FBN2: variants seen among roughly 807,000 people sequenced by gnomAD.
FBN2 encodes the protein fibrillin 2.
A neutral mutation model predicts 355.6 loss-of-function variants in FBN2; 105 were observed. The ratio of observed to expected loss-of-function variants is 0.30; its 90% CI spans 0.25 to 0.35. The LOEUF (loss-of-function observed/expected upper bound fraction) is 0.35, where lower values mean the gene tolerates loss of function less well. Among genes scored for constraint, FBN2 ranks in the 10% least tolerant of loss-of-function variants. The pLI is 1.00. For synonymous variants in FBN2, 1,350 were observed against 1,301.2 expected (o/e 1.04, Z -0.81); for missense variants, 3,280 against 3,758.7 (o/e 0.87, Z 3.33).
At chr5:128,326,156 A>G (rs1295454906) in intron 34 of FBN2, among the ~76,000 whole-genome samples, 1 of 152,196 alleles carries the variant, frequency 6.6e-6, no homozygotes, top group Non-Finnish European at 1.5e-5. Flanking sequence ...TGCTCTTTCA[A>G]GAGCTTCTAT....
chr5:128,274,415 C>G, intron 60 of FBN2, 152 bp downstream of exon 60: 1 of 649,976 alleles, frequency 1.5e-6, no homozygotes, highest in South Asian at 1.8e-5. Context: ...TTGAAAATAT[C>G]TATCTTATTA....
In FBN2 at chr5:128,259,783, T is replaced by C. The variant is rs1320269499; in HGVS notation, c.8411A>G (p.Asn2804Ser). The C allele has an allele frequency of 2.5e-6, 4 of 1,613,708 alleles. No individual in the cohort carries two copies. The highest frequency in any genetic ancestry group is 2.2e-5 in the South Asian group (2 of 91,070). ...LESVDMDSPVNMKFNLSHLGS... is the reference protein window; with the variant it reads ...LESVDMDSPVSMKFNLSHLGS... The stretch of plus-strand genomic sequence containing the variant: ...GAGGTGGGAGAGGTTGAACTTCATG[T>C]TGACGGGGCTGTCCATGTCGACACT... Residue 2804 changes from asparagine (N) to serine (S), a missense_variant, in exon 65 of 65, where the codon AAC becomes AGC. Asn to Ser is a conservative substitution (Grantham distance 46). This residue lies in a region of FBN2 where 311 missense variants were observed against 319.1 expected (regional missense o/e 0.97). Coordinates refer to ENST00000262464, the MANE Select transcript of FBN2 (RefSeq NM_001999.4).
In FBN2 at chr5:128,286,767, G is replaced by A; in HGVS notation, c.6963C>T (p.Cys2321=). Residue 2321 remains cysteine, a synonymous_variant, in exon 55 of 65, where the codon TGC becomes TGT. Coordinates refer to ENST00000262464, the MANE Select transcript of FBN2 (RefSeq NM_001999.4). ...MCKNLIGTFM[C]ICPPGMARRP... is the part of the protein sequence containing the mutation. ...TTCGGGCCATTCCAGGAGGGCAGAT[G>A]CACATGAAGGTGCCGATTAGATTCT... The A allele has an allele frequency of 6.2e-7, 1 of 1,614,090 alleles. No individual in the cohort carries two copies. The highest frequency in any genetic ancestry group is 1.1e-5 in the South Asian group (1 of 91,084).
At position 128,263,450 on chromosome 5, in the gene FBN2, G is replaced by A. The variant is rs143401228; in HGVS notation, c.8167C>T (p.Pro2723Ser). The A allele has an allele frequency of 5.0e-6, 8 of 1,613,800 alleles. No individual in the cohort carries two copies. The African/African-American group carries it at 6.7e-5, about 13-fold the overall frequency. ...TEGGYLCGCP[P>S]GYYRVGQGHC... Reference sequence around the variant, plus strand: ...CCTTGTCCCACTCTGTAATACCCAGGGGGGCAGCCACAGAGGTAGCCCCCC... The same window carrying A: ...CCTTGTCCCACTCTGTAATACCCAGAGGGGCAGCCACAGAGGTAGCCCCCC... Residue 2723 changes from proline (P) to serine (S), a missense_variant, in exon 63 of 65, where the codon CCT becomes TCT. This residue lies in a region of FBN2 where 311 missense variants were observed against 319.1 expected (regional missense o/e 0.97). Transcript: ENST00000262464.
chr5:128,262,240 G>A (rs982440581), intron 63 of FBN2, among the ~76,000 whole-genome samples: 2 of 151,938 alleles, frequency 1.3e-5, no homozygotes, highest in Non-Finnish European at 2.9e-5. Context: ...TTCATGTTTT[G>A]TAGAGATAGG....
At chr5:128,318,852 CACA>C in intron 35 of FBN2, 24 bp downstream of exon 35, 3 of 1,608,486 alleles carry the variant, frequency 1.9e-6, no homozygotes, top group Non-Finnish European at 2.6e-6. Flanking sequence ...TGAATCAGAA[CACA>C]ACTTAGCTGG....
Position 128,259,298 on chromosome 5 carries a change from C to G in FBN2, c.*157G>C. 2.1e-6 allele frequency: 2 copies of G among 949,670 alleles called. No individual in the cohort carries two copies. Among genetic ancestry groups the G allele is most frequent in the South Asian group, 2.8e-5 (2 of 70,652 alleles). 58.8% of individuals were successfully genotyped at this position (949,670 alleles called of 1,614,324 possible). ...TTGGCCATACCAGAGTCTAAATTAT[C>G]CCTCCCTGTGAGGGTCAACATTCAA... On this transcript the variant is annotated 3_prime_UTR_variant, in exon 65 of 65. Transcript: ENST00000262464.
rs565172337 is a variant in FBN2 at position 128,499,794 on chromosome 5, C to CT, written c.628+19478dup. Among the ~76,000 whole-genome samples, 359 of 146,518 alleles carry CT rather than the reference C, an allele frequency of 2.5e-3. 1 individual carries two copies. Among genetic ancestry groups the CT allele is most frequent in the Middle Eastern group, 3.5e-3 (1 of 284 alleles). On this transcript the variant is annotated intron_variant, in intron 5 of 64. Transcript: ENST00000262464. ...CTACTGTGACATTCAGAACTTAATT[C>CT]TTTTTTTTTTTAAGATGAAAACCAT...
chr5:128,487,519 C>A (rs922939053), intron 5 of FBN2, among the ~76,000 whole-genome samples: 1 of 152,102 alleles, frequency 6.6e-6, no homozygotes, highest in Admixed American at 6.6e-5. Flanking sequence ...GGGCACTTAT[C>A]ACAATACACA....
intron 52 of FBN2, 24 bp downstream of exon 52, chr5:128,289,103 C>T (rs1368576694): frequency 6.2e-7 from 1 of 1,613,464 alleles, no homozygotes; most frequent in Non-Finnish European, 8.5e-7. Flanking sequence ...CTTTAAAATT[C>T]TGTAATGTGG....
At chr5:128,434,261 C>A (rs1223311229) in intron 7 of FBN2, among the ~76,000 whole-genome samples, 3 of 151,132 alleles carry the variant, frequency 2.0e-5, no homozygotes, top group Non-Finnish European at 4.4e-5. Context: ...ACAATTCAAG[C>A]ATTATCACAG....
chr5:128,357,028 A>G (rs1751518411), intron 20 of FBN2, among the ~76,000 whole-genome samples: 2 of 152,248 alleles, frequency 1.3e-5, no homozygotes, highest in South Asian at 2.1e-4. Context: ...GGAAATGATT[A>G]TAAGTTATAG....
chr5:128,495,102 T>C (rs1347878214), intron 5 of FBN2, among the ~76,000 whole-genome samples: 1 of 151,932 alleles, frequency 6.6e-6, no homozygotes, highest in East Asian at 1.9e-4. Flanking sequence ...GAAGACAAAC[T>C]ATAAAAAGAA....
intron 16 of FBN2, among the ~76,000 whole-genome samples, chr5:128,368,457 C>CAT (rs1289727706): frequency 2.6e-5 from 2 of 75,820 alleles, no homozygotes; most frequent in African/African-American, 1.6e-4. Flanking sequence ...TATATATACA[C>CAT]ATATATATAC....
intron 36 of FBN2, among the ~76,000 whole-genome samples, chr5:128,317,548 T>C (rs1750239681): frequency 6.6e-6 from 1 of 152,192 alleles, no homozygotes; most frequent in African/African-American, 2.4e-5. Flanking sequence ...CTCCCTTTTT[T>C]TGTATACTTC....
intron 7 of FBN2, among the ~76,000 whole-genome samples, chr5:128,441,802 G>A (rs1329541049): frequency 1.3e-5 from 2 of 152,106 alleles, no homozygotes; most frequent in Admixed American, 6.5e-5. Flanking sequence ...TTTAACTACA[G>A]TGTTATAAAT....
rs766830186 is a variant in FBN2 at position 128,278,816 on chromosome 5, T to G, written c.7164A>C (p.Ala2388=). 1 of 1,613,928 alleles carries G rather than the reference T, an allele frequency of 6.2e-7. No homozygotes were observed. Among genetic ancestry groups the G allele is most frequent in the Non-Finnish European group, 8.5e-7 (1 of 1,179,934 alleles). Reference sequence around the variant, plus strand: ...TTTGACATATTGTCTGCAGTACCTCTGCAAAGCAGAGACCCTGTCGATTGT... The same window carrying G: ...TTTGACATATTGTCTGCAGTACCTCGGCAAAGCAGAGACCCTGTCGATTGT... ...CLDNRQGLCF[A]EVLQTICQMA... The change falls in exon 57 of 65, where the codon GCA becomes GCC. Residue 2388 remains alanine (A), a synonymous_variant. Coordinates refer to ENST00000262464, the MANE Select transcript of FBN2 (RefSeq NM_001999.4).
chr5:128,480,231 T>G (rs1415340831), intron 5 of FBN2, among the ~76,000 whole-genome samples: 1 of 149,120 alleles, frequency 6.7e-6, no homozygotes, highest in Non-Finnish European at 1.5e-5. Context: ...CTCCACATGG[T>G]ATTAAAACTT....
chr5:128,465,639 A>C (rs1754692700), intron 5 of FBN2, among the ~76,000 whole-genome samples: 1 of 152,226 alleles, frequency 6.6e-6, no homozygotes, highest in African/African-American at 2.4e-5. Flanking sequence ...AATAAGGCAC[A>C]TAGTCATGAA....
Sources: gnomAD v4.1 joint callset for allele counts (sites outside exome capture counted in the v4.1 genomes callset) on GRCh38, gnomAD v4.1.1 for gene constraint, gnomAD v4.1.1 regional missense constraint, MANE v1.5 for transcripts, NCBI Gene and HGNC (gene_info 2026-07-23, HGNC 2026-07-21) for gene names.